The following SETBP1 variants were observed in gnomAD, a reference collection of about 807,000 sequenced individuals.
The protein encoded by SETBP1 is SET binding protein 1, also known as SET-binding protein.
Under a neutral mutation model 101.0 loss-of-function variants are expected in SETBP1, and 9 were observed. The ratio of observed to expected loss-of-function variants is 0.09; its 90% CI spans 0.05 to 0.16. The LOEUF (loss-of-function observed/expected upper bound fraction) is 0.16, where lower values mean the gene tolerates loss of function less well. Ranked by LOEUF, SETBP1 falls within the 10% of genes least tolerant of loss-of-function variation. SETBP1 has a pLI of 1.00. For synonymous variants in SETBP1, 818 were observed against 788.5 expected (o/e 1.04, Z -0.63); for missense variants, 1,858 against 2,033.8 (o/e 0.91, Z 1.66).
intron 4 of SETBP1, among the ~76,000 whole-genome samples, chr18:44,968,788 G>C (rs1365106062): frequency 6.6e-6 from 1 of 152,204 alleles, no homozygotes; most frequent in Non-Finnish European, 1.5e-5. Flanking sequence ...CTCCTTGAGA[G>C]TGCACTAGCA....
At chr18:44,758,508 G>A (rs765677254) in intron 2 of SETBP1, among the ~76,000 whole-genome samples, 15 of 151,578 alleles carry the variant, frequency 9.9e-5, no homozygotes, top group Non-Finnish European at 1.6e-4. Flanking sequence ...TCAGCCTCCC[G>A]AGTAGCTGGG....
At chr18:44,971,751 A>G (rs187956471) in intron 4 of SETBP1, among the ~76,000 whole-genome samples, 1,567 of 152,186 alleles carry the variant, frequency 0.01, 19 homozygotes, top group Middle Eastern at 0.027. Flanking sequence ...AATTTGTTTG[A>G]GTTCATTGTA....
At chr18:44,995,204 C>T (rs570838023) in intron 4 of SETBP1, among the ~76,000 whole-genome samples, 264 of 139,642 alleles carry the variant, frequency 1.9e-3, no homozygotes, top group African/African-American at 6.6e-3. Flanking sequence ...TGCAGTGGCG[C>T]GATCTTGGCT....
intron 3 of SETBP1, among the ~76,000 whole-genome samples, chr18:44,930,177 G>T (rs2070796394): frequency 6.6e-6 from 1 of 152,156 alleles, no homozygotes; most frequent in Admixed American, 6.5e-5. Context: ...GGCCTTTTCT[G>T]CATCTATTGA....
At chr18:44,999,574 C>G (rs1425339589) in intron 4 of SETBP1, among the ~76,000 whole-genome samples, 2 of 152,140 alleles carry the variant, frequency 1.3e-5, no homozygotes, top group African/African-American at 4.8e-5. Flanking sequence ...GGTGCTTTGT[C>G]CACATAGGCA....
chr18:44,846,929 G>A (rs2072736258), intron 2 of SETBP1, among the ~76,000 whole-genome samples: 1 of 152,148 alleles, frequency 6.6e-6, no homozygotes, highest in Admixed American at 6.5e-5. Context: ...TCCACATGGG[G>A]CTGAGGCTGG....
At chr18:44,869,370 A>G in intron 3 of SETBP1, 87 bp downstream of exon 3, 1 of 1,229,896 alleles carries the variant, frequency 8.1e-7, no homozygotes, top group Admixed American at 1.7e-5. Flanking sequence ...GGGCCAGGAC[A>G]GAAACCCGAA....
intron 2 of SETBP1, among the ~76,000 whole-genome samples, chr18:44,720,907 ACCC>A (rs1267104216): frequency 9.8e-5 from 8 of 81,292 alleles, no homozygotes; most frequent in Admixed American, 2.6e-4. Flanking sequence ...TCCAACCCCC[ACCC>A]CCCACCCCAA....
At chr18:45,002,633 C>A (rs2072640901) in intron 4 of SETBP1, among the ~76,000 whole-genome samples, 1 of 152,118 alleles carries the variant, frequency 6.6e-6, no homozygotes, top group Admixed American at 6.6e-5. Flanking sequence ...TAAGCACTGC[C>A]TGTTATTGCC....
At chr18:45,056,405 A>C (rs1320246366) in intron 5 of SETBP1, among the ~76,000 whole-genome samples, 1 of 152,216 alleles carries the variant, frequency 6.6e-6, no homozygotes, top group Non-Finnish European at 1.5e-5. Context: ...TCTCATGCCC[A>C]AGTGTGACAG....
At chr18:44,772,512 C>T (rs944814837) in intron 2 of SETBP1, among the ~76,000 whole-genome samples, 4 of 152,144 alleles carry the variant, frequency 2.6e-5, no homozygotes, top group African/African-American at 9.7e-5. Context: ...ACATTCTTGG[C>T]TCTGAGGCTT....
intron 4 of SETBP1, among the ~76,000 whole-genome samples, chr18:45,029,780 C>T (rs1049820125): frequency 0.01 from 1,573 of 152,058 alleles, 22 homozygotes; most frequent in African/African-American, 0.036. Flanking sequence ...CAATTGTGAA[C>T]GGGAGTTCGC....
chr18:44,952,335 A>G lies in SETBP1; in HGVS notation c.2995A>G (p.Ile999Val), dbSNP rs2071377957. 6.2e-7 allele frequency: 1 copy of G among 1,614,114 alleles called. No individual in the cohort carries two copies. Among genetic ancestry groups the G allele is most frequent in the Non-Finnish European group, 8.5e-7 (1 of 1,180,016 alleles). ...NFDHYYPVPY[I>V]QYDPLLYLRR... ...TGATCACTATTACCCGGTGCCATAT[A>G]TCCAGTATGACCCGTTGCTCTATCT... The change falls in exon 4 of 6, where the codon ATC becomes GTC. Residue 999 changes from isoleucine (I) to valine (V), a missense_variant. Physicochemically the swap from Ile to Val is conservative, Grantham distance 29. Transcript: ENST00000649279.
chr18:44,936,143 C>G (rs1373270206), intron 3 of SETBP1, among the ~76,000 whole-genome samples: 1 of 152,182 alleles, frequency 6.6e-6, no homozygotes, highest in Non-Finnish European at 1.5e-5. Context: ...AGGACTGCAC[C>G]CTAATTTTGG....
intron 4 of SETBP1, among the ~76,000 whole-genome samples, chr18:45,018,462 C>T (rs9958853): frequency 0.033 from 4,988 of 152,278 alleles, 255 homozygotes; most frequent in African/African-American, 0.11. Flanking sequence ...CTCACTAGCC[C>T]TTTGCTGGGT....
intron 2 of SETBP1, among the ~76,000 whole-genome samples, chr18:44,837,340 A>G (rs563847864): frequency 2.0e-5 from 3 of 152,350 alleles, no homozygotes; most frequent in Admixed American, 1.3e-4. Context: ...ATTATTTGCT[A>G]GTAAATTATC....
chr18:45,030,176 A>G (rs1191708293), intron 4 of SETBP1, among the ~76,000 whole-genome samples: 1 of 143,454 alleles, frequency 7.0e-6, no homozygotes, highest in Non-Finnish European at 1.5e-5. Context: ...TTATTTTGAG[A>G]TATGTCCCAT....
At chr18:44,907,787 T>C (rs556358013) in intron 3 of SETBP1, among the ~76,000 whole-genome samples, 1 of 152,346 alleles carries the variant, frequency 6.6e-6, no homozygotes, top group Admixed American at 6.5e-5. Context: ...TTTCCTTTTA[T>C]TGTATGAGGT....
intron 3 of SETBP1, among the ~76,000 whole-genome samples, chr18:44,944,197 A>C (rs909626203): frequency 7.2e-5 from 11 of 152,280 alleles, no homozygotes; most frequent in Middle Eastern, 3.4e-3. Flanking sequence ...TTCACTTGGA[A>C]TACCTACACA....
Sources: gnomAD v4.1 joint callset for allele counts (sites outside exome capture counted in the v4.1 genomes callset) on GRCh38, gnomAD v4.1.1 for gene constraint, MANE v1.5 for transcripts, NCBI Gene and HGNC (gene_info 2026-07-23, HGNC 2026-07-21) for gene names.